VAV3: variants seen among roughly 807,000 people sequenced by gnomAD.
The protein encoded by VAV3 is guanine nucleotide exchange factor VAV3.
Under a neutral mutation model 131.2 loss-of-function variants are expected in VAV3, and 94 were observed. The observed-to-expected ratio is 0.72, with a 90% CI of 0.61 to 0.85. VAV3 has a LOEUF of 0.85. VAV3 is among the 40% of genes least tolerant of loss of function. The probability of loss-of-function intolerance (pLI) is 0.00; values close to 1 mark genes in which losing one functional copy is unlikely to be tolerated. For synonymous variants in VAV3, 349 were observed against 342.0 expected (o/e 1.02, Z -0.22); for missense variants, 939 against 1,002.7 (o/e 0.94, Z 0.86).
chr1:107,955,659 A>G (rs1257613416), intron 1 of VAV3, among the ~76,000 whole-genome samples: 1 of 152,138 alleles, frequency 6.6e-6, no homozygotes, highest in African/African-American at 2.4e-5. Flanking sequence ...TAGACAAATG[A>G]AAAAGGGAAC....
intron 1 of VAV3, among the ~76,000 whole-genome samples, chr1:107,947,652 T>C (rs903410228): frequency 2.0e-5 from 3 of 152,206 alleles, no homozygotes; most frequent in Non-Finnish European, 4.4e-5. Context: ...TAATGGTGCA[T>C]GAGTTGAACC....
intron 1 of VAV3, among the ~76,000 whole-genome samples, chr1:107,894,874 C>G (rs1223018617): frequency 2.0e-5 from 3 of 152,188 alleles, no homozygotes; most frequent in Non-Finnish European, 4.4e-5. Context: ...CCCAGTCTAC[C>G]ACACAGCTAG....
At chr1:107,615,721 G>A (rs182135419) in intron 21 of VAV3, among the ~76,000 whole-genome samples, 1 of 152,130 alleles carries the variant, frequency 6.6e-6, no homozygotes, top group East Asian at 1.9e-4. Flanking sequence ...CTAATATCCA[G>A]CATCTATAAA....
intron 22 of VAV3, among the ~76,000 whole-genome samples, chr1:107,607,404 C>A (rs906652406): frequency 6.6e-6 from 1 of 152,056 alleles, no homozygotes; most frequent in Admixed American, 6.6e-5. Flanking sequence ...TATATGGGAC[C>A]CAGCTGTCAC....
At chr1:107,718,932 A>T (rs571037344) in intron 15 of VAV3, among the ~76,000 whole-genome samples, 147 of 152,322 alleles carry the variant, frequency 9.7e-4, no homozygotes, top group African/African-American at 3.2e-3. Flanking sequence ...TCTTTGACAA[A>T]CCTGACAAAA....
chr1:107,754,594 C>T (rs1570901376), intron 12 of VAV3, among the ~76,000 whole-genome samples: 1 of 152,168 alleles, frequency 6.6e-6, no homozygotes, highest in African/African-American at 2.4e-5. Context: ...TGATAGAAAC[C>T]TTTTAATAGC....
rs188663992 is a variant in VAV3, at chr1:107,848,464, A to G, written c.321+26437T>C. Among the ~76,000 whole-genome samples the G allele has an allele frequency of 3.3e-3, 496 of 152,326 alleles. 3 individuals carry two copies. Among genetic ancestry groups the G allele is most frequent in the African/African-American group, 0.011 (466 of 41,564 alleles). On this transcript the variant is annotated intron_variant, in intron 2 of 26. Transcript: ENST00000370056. Reference sequence around the variant, plus strand: ...ATAATCCATCACATAAACAGAACCAATGACAAAACAACCAACCACATGATT... The same window carrying G: ...ATAATCCATCACATAAACAGAACCAGTGACAAAACAACCAACCACATGATT...
intron 25 of VAV3, among the ~76,000 whole-genome samples, chr1:107,589,015 TTAAAG>T (rs896627759): frequency 1.3e-5 from 2 of 152,184 alleles, no homozygotes; most frequent in African/African-American, 2.4e-5. Flanking sequence ...TTTTTTTGTA[TTAAAG>T]TAGTGTTTTT....
intron 21 of VAV3, among the ~76,000 whole-genome samples, chr1:107,615,451 C>A (rs934247298): frequency 6.6e-6 from 1 of 152,056 alleles, no homozygotes; most frequent in African/African-American, 2.4e-5. Context: ...AAAATCAGCT[C>A]GAGATGGATT....
intron 20 of VAV3, among the ~76,000 whole-genome samples, chr1:107,624,456 T>G (rs1653857717): frequency 7.3e-6 from 1 of 136,438 alleles, no homozygotes; most frequent in African/African-American, 2.6e-5. Flanking sequence ...AAAAAAAAAT[T>G]TGGCAACAAA....
chr1:107,948,072 G>T (rs1047191497), intron 1 of VAV3, among the ~76,000 whole-genome samples: 1 of 152,146 alleles, frequency 6.6e-6, no homozygotes, highest in African/African-American at 2.4e-5. Flanking sequence ...CTAAGTTTTG[G>T]ATAGCTGTGG....
intron 2 of VAV3, among the ~76,000 whole-genome samples, chr1:107,819,093 C>T (rs1187667123): frequency 6.6e-6 from 1 of 152,116 alleles, no homozygotes; most frequent in African/African-American, 2.4e-5. Context: ...CTTTTCTGAA[C>T]CTTTCATACA....
intron 20 of VAV3, among the ~76,000 whole-genome samples, chr1:107,634,215 C>T (rs942560880): frequency 5.9e-5 from 9 of 152,232 alleles, no homozygotes; most frequent in African/African-American, 2.2e-4. Context: ...TACCTGACTT[C>T]AAACTATACT....
At chr1:107,721,099 G>A (rs1198690222) in intron 15 of VAV3, among the ~76,000 whole-genome samples, 3 of 152,114 alleles carry the variant, frequency 2.0e-5, no homozygotes, top group Admixed American at 2.0e-4. Context: ...GTTCTAGGGT[G>A]GACTGGAGAA....
At chr1:107,958,561 C>T (rs1436476020) in intron 1 of VAV3, among the ~76,000 whole-genome samples, 1 of 152,114 alleles carries the variant, frequency 6.6e-6, no homozygotes, top group African/African-American at 2.4e-5. Flanking sequence ...ACTCTAAGTT[C>T]AAGTGGTATT....
intron 2 of VAV3, among the ~76,000 whole-genome samples, chr1:107,803,086 G>T (rs1666902923): frequency 6.6e-6 from 1 of 151,790 alleles, no homozygotes; most frequent in African/African-American, 2.4e-5. Context: ...TATGTGTCCA[G>T]GCATTTATCT....
At position 107,612,153 on chromosome 1, in the gene VAV3, CACAT is replaced by C. The variant is rs747530664; in HGVS notation, c.1981-2192_1981-2189del. 7.6e-4 allele frequency among the ~76,000 whole-genome samples: 112 copies of C among 147,684 alleles called. 1 individual carries two copies. Among genetic ancestry groups the C allele is most frequent in the Non-Finnish European group, 1.3e-3 (85 of 67,272 alleles). On this transcript the variant is annotated intron_variant, in intron 21 of 26. Coordinates refer to ENST00000370056, the MANE Select transcript of VAV3 (RefSeq NM_006113.5). ...TTATATATATATATATACACACACACACATACATACAGAAATATTTATATTGGTC... is the reference window on the plus strand; with the variant it reads ...TTATATATATATATATACACACACACACATACAGAAATATTTATATTGGTC...
At chr1:107,624,374 CTGTGTGTGTGTGTGTGTG>C (rs59476510) in intron 20 of VAV3, among the ~76,000 whole-genome samples, 2 of 143,240 alleles carry the variant, frequency 1.4e-5, no homozygotes, top group African/African-American at 5.3e-5. Flanking sequence ...AGTCTTATGA[CTGTGTGTGTGTGTGTGTG>C]TGTGTGTGTG....
intron 15 of VAV3, among the ~76,000 whole-genome samples, chr1:107,743,839 T>C (rs747416125): frequency 2.6e-5 from 4 of 152,238 alleles, no homozygotes; most frequent in African/African-American, 9.6e-5. Flanking sequence ...GAGCCTGAGT[T>C]TGAAGATAAT....
Sources: gnomAD v4.1 joint callset for allele counts (sites outside exome capture counted in the v4.1 genomes callset) on GRCh38, gnomAD v4.1.1 for gene constraint, MANE v1.5 for transcripts, NCBI Gene and HGNC (gene_info 2026-07-23, HGNC 2026-07-21) for gene names.